The following RBM33 variants were observed in gnomAD, a reference collection of about 807,000 sequenced individuals.
The protein encoded by RBM33 is RNA binding motif protein 33.
Under a neutral mutation model 132.6 loss-of-function variants are expected in RBM33, and 28 were observed. That is an observed-to-expected ratio of 0.21 (90% confidence interval 0.16 to 0.29). The LOEUF is 0.29. Ranked by LOEUF, RBM33 falls within the 10% of genes least tolerant of loss-of-function variation. The pLI, the probability that RBM33 is intolerant of heterozygous loss-of-function variation, is 1.00. For synonymous variants in RBM33, 634 were observed against 593.0 expected (o/e 1.07, Z -1.01); for missense variants, 1,291 against 1,518.5 (o/e 0.85, Z 2.49).
intron 2 of RBM33, among the ~76,000 whole-genome samples, chr7:155,667,168 C>T (rs771683027): frequency 1.6e-4 from 24 of 152,164 alleles, no homozygotes; most frequent in African/African-American, 5.3e-4. Context: ...ATGTATTTCC[C>T]GCAAAACAGG....
At chr7:155,657,985 G>T (rs1585401972) in intron 1 of RBM33, among the ~76,000 whole-genome samples, 1 of 152,232 alleles carries the variant, frequency 6.6e-6, no homozygotes, top group Middle Eastern at 3.4e-3. Context: ...AGGTCTAGTT[G>T]ATTTATAGTA....
rs774817344 is a variant in RBM33, at chr7:155,774,958, G to C, written c.3465-35G>C. ...TTGGTAGGTTGATTGCCGATGTGCA[G>C]GGTTAGTGTCGATCGTTTCTTTAAA... On this transcript the variant is annotated intron_variant, in intron 17 of 17. Coordinates refer to ENST00000401878, the MANE Select transcript of RBM33 (RefSeq NM_053043.3). This position sits in a 1 kb window ranked among gnomAD's most constrained non-coding sequence, Gnocchi z 4.2. 41 of 1,605,946 alleles carry C rather than the reference G, an allele frequency of 2.6e-5. No individual in the cohort carries two copies. The highest frequency in any genetic ancestry group is 3.5e-5 in the Non-Finnish European group (41 of 1,172,582).
chr7:155,756,746 C>T (rs1217789863), intron 14 of RBM33, among the ~76,000 whole-genome samples: 5 of 152,066 alleles, frequency 3.3e-5, no homozygotes, highest in Non-Finnish European at 7.4e-5. Flanking sequence ...AAACCCCAGG[C>T]GAAAGCACAA....
intron 5 of RBM33, among the ~76,000 whole-genome samples, chr7:155,695,519 G>A (rs574210421): frequency 6.6e-6 from 1 of 152,228 alleles, no homozygotes; most frequent in East Asian, 1.9e-4. Context: ...GAGTGCAGTG[G>A]CATGATCTCG....
In RBM33 at chr7:155,737,353, C is replaced by CTGTGTGTGTGTGTGTG. The variant is rs59512454; in HGVS notation, c.1261-159_1261-144dup. Among the ~76,000 whole-genome samples the CTGTGTGTGTGTGTGTG allele has an allele frequency of 9.7e-3, 1,386 of 142,858 alleles. 28 individuals are homozygous for CTGTGTGTGTGTGTGTG. Among genetic ancestry groups the CTGTGTGTGTGTGTGTG allele is most frequent in the African/African-American group, 0.035 (1,303 of 37,636 alleles). 93.7% of individuals were successfully genotyped at this position (142,858 alleles called of 152,430 possible). On this transcript the variant is annotated intron_variant, in intron 9 of 17. Transcript: ENST00000401878. ...ATCCTGTCATTAAGGATGCATGACT[C>CTGTGTGTGTGTGTGTG]TGTGTGTGTGTGTGTGTGTGTGTGT...
intron 8 of RBM33, among the ~76,000 whole-genome samples, chr7:155,713,739 C>T (rs1382342084): frequency 6.6e-6 from 1 of 152,178 alleles, no homozygotes; most frequent in Admixed American, 6.5e-5. Context: ...TGATGGGAGC[C>T]AAGTGGGCTT....
chr7:155,653,530 C>T lies in RBM33; in HGVS notation c.43+8611C>T, dbSNP rs540695287. On this transcript the variant is annotated intron_variant, in intron 1 of 17. Coordinates refer to ENST00000401878, the MANE Select transcript of RBM33 (RefSeq NM_053043.3). ...TGGGGGCTTGTCAGAAAAACTAACC[C>T]CATGTTAAGAGGGTTAGAACGTTCA... 2.0e-4 allele frequency among the ~76,000 whole-genome samples: 30 copies of T among 152,042 alleles called. No homozygotes were observed. The East Asian group carries it at 4.7e-3, about 24-fold the overall frequency.
intron 8 of RBM33, among the ~76,000 whole-genome samples, chr7:155,717,768 T>C (rs569390547): frequency 6.6e-6 from 1 of 152,232 alleles, no homozygotes; most frequent in East Asian, 1.9e-4. Flanking sequence ...TATTATGAGA[T>C]ACCTTTTTAA....
At position 155,745,509 on chromosome 7, in the gene RBM33, C is replaced by T. The variant is rs753016671; in HGVS notation, c.2886C>T (p.Gly962=). The T allele has an allele frequency of 6.8e-6, 11 of 1,613,076 alleles. No homozygotes were observed. Among genetic ancestry groups the T allele is most frequent in the South Asian group, 4.4e-5 (4 of 90,832 alleles). The change falls in exon 14 of 18, where the codon GGC becomes GGT. Residue 962 remains glycine, a synonymous_variant. Coordinates refer to ENST00000401878, the MANE Select transcript of RBM33 (RefSeq NM_053043.3). This position sits in a 1 kb window ranked among gnomAD's most constrained non-coding sequence, Gnocchi z 4.1. Reference sequence around the variant, plus strand: ...GCCGGCCCCAGGACACAAAGCCTGGCGTGAAAAGGACTGTCACGCACAGGA... The same window carrying T: ...GCCGGCCCCAGGACACAAAGCCTGGTGTGAAAAGGACTGTCACGCACAGGA... The part of the protein sequence containing the change: ...IQGRPQDTKP[G]VKRTVTHRTN...
intron 5 of RBM33, among the ~76,000 whole-genome samples, chr7:155,695,325 T>C (rs1799761774): frequency 6.6e-6 from 1 of 152,242 alleles, no homozygotes; most frequent in Non-Finnish European, 1.5e-5. Flanking sequence ...ATGGAGAATA[T>C]GTATGCATAC....
At chr7:155,760,508 T>A (rs1458258270) in intron 14 of RBM33, among the ~76,000 whole-genome samples, 1 of 152,140 alleles carries the variant, frequency 6.6e-6, no homozygotes, top group Non-Finnish European at 1.5e-5. Context: ...TGTTCGCGCT[T>A]GTAAAGAGGA....
chr7:155,657,741 C>T (rs1313739356), intron 1 of RBM33, among the ~76,000 whole-genome samples: 1 of 152,150 alleles, frequency 6.6e-6, no homozygotes, highest in African/African-American at 2.4e-5. Flanking sequence ...TTCGCTGTGT[C>T]TTAATGAGAA....
intron 12 of RBM33, 146 bp from the exon 13 acceptor site, chr7:155,741,673 A>T: frequency 2.7e-6 from 2 of 737,450 alleles, no homozygotes; most frequent in East Asian, 5.4e-5. Context: ...TGAGAAAAAA[A>T]GTATGAGAAA....
intron 9 of RBM33, among the ~76,000 whole-genome samples, chr7:155,728,912 A>T (rs752005005): frequency 5.9e-5 from 9 of 152,220 alleles, no homozygotes; most frequent in Non-Finnish European, 1.2e-4. Context: ...GATTTCTGTG[A>T]GCATAATACC....
rs1421586760 is a variant in RBM33 at position 155,661,146 on chromosome 7, A to ATATATT, written c.44-4028_44-4027insATATTT. ...TGTGTGTGTGTATATATATATATAT[A>ATATATT]TTTTTTTTTTTTTGAGACAGAGTCT... On this transcript the variant is annotated intron_variant, in intron 1 of 17. Transcript: ENST00000401878. 2.5e-3 allele frequency among the ~76,000 whole-genome samples: 200 copies of ATATATT among 81,138 alleles called. 2 individuals are homozygous for ATATATT. Among genetic ancestry groups the ATATATT allele is most frequent in the Middle Eastern group, 8.6e-3 (1 of 116 alleles). The allele number at this position is 81,138 out of a possible 152,430, so 53.2% of individuals were successfully genotyped here.
chr7:155,696,770 AG>A (rs1449475944), intron 5 of RBM33, among the ~76,000 whole-genome samples: 1 of 152,174 alleles, frequency 6.6e-6, no homozygotes, highest in African/African-American at 2.4e-5. Context: ...TCACTGGTCT[AG>A]GACCCAAGCC....
At chr7:155,668,097 A>G (rs184242197) in intron 2 of RBM33, among the ~76,000 whole-genome samples, 45 of 152,332 alleles carry the variant, frequency 3.0e-4, no homozygotes, top group Admixed American at 1.0e-3. Context: ...TAGTGTTTAC[A>G]TTTCCGATTG....
rs1201228311 is a variant in RBM33 at position 155,774,042 on chromosome 7, GC to G, written c.3376-513del. Among the ~76,000 whole-genome samples the G allele has an allele frequency of 6.6e-6, 1 of 152,184 alleles. No individual in the cohort carries two copies. Among genetic ancestry groups the G allele is most frequent in the African/African-American group, 2.4e-5 (1 of 41,440 alleles). On this transcript the variant is annotated intron_variant, in intron 16 of 17. Coordinates refer to ENST00000401878, the MANE Select transcript of RBM33 (RefSeq NM_053043.3). The surrounding 1 kb of genome is among the most constrained non-coding windows in gnomAD (Gnocchi z 4.2). ...ATGTGACCACGTTATGCTGATGTCTGCCCCAGGCACCACTGCCCTCACCATG... is the reference window on the plus strand; with the variant it reads ...ATGTGACCACGTTATGCTGATGTCTGCCCAGGCACCACTGCCCTCACCATG...
At chr7:155,735,695 C>G (rs1412478977) in intron 9 of RBM33, among the ~76,000 whole-genome samples, 4 of 272 alleles carry the variant, frequency 0.015, no homozygotes, top group African/African-American at 0.043. Context: ...GACCCTGTCT[C>G]TCTCTCTCTC....
Sources: gnomAD v4.1 joint callset for allele counts (sites outside exome capture counted in the v4.1 genomes callset) on GRCh38, gnomAD v4.1.1 for gene constraint, Gnocchi (gnomAD v3.1) non-coding constraint, MANE v1.5 for transcripts, NCBI Gene and HGNC (gene_info 2026-07-23, HGNC 2026-07-21) for gene names.